Variants in CENPQ observed in about 807,000 individuals in gnomAD.
CENPQ encodes the protein centromere protein Q, also known as chromosome 6 open reading frame 139.
Under a neutral mutation model 36.6 loss-of-function variants are expected in CENPQ, and 27 were observed. That is an observed-to-expected ratio of 0.74 (90% CI 0.54 to 1.02). The LOEUF is 1.02. Ranked by LOEUF, CENPQ falls within the 50% of genes least tolerant of loss-of-function variation. The probability of loss-of-function intolerance (pLI) is 0.00; values close to 1 mark genes in which losing one functional copy is unlikely to be tolerated. For missense variants in CENPQ, 306 were observed against 301.8 expected (o/e 1.01, Z -0.10); for synonymous variants, 101 against 101.7 (o/e 0.99, Z 0.04).
chr6:49,471,095 A>G, intron 3 of CENPQ, 67 bp downstream of exon 3: 1 of 943,262 alleles, frequency 1.1e-6, no homozygotes, highest in Non-Finnish European at 1.5e-6. Context: ...TCGTGAAAAA[A>G]TGTTCAGCAT....
At chr6:49,483,997 T>A (rs904542151) in intron 6 of CENPQ, among the ~76,000 whole-genome samples, 3 of 152,246 alleles carry the variant, frequency 2.0e-5, no homozygotes, top group African/African-American at 7.2e-5. Context: ...GTCCTATTTT[T>A]TCATCAGATT....
intron 5 of CENPQ, among the ~76,000 whole-genome samples, chr6:49,479,666 T>C (rs900486084): frequency 1.3e-5 from 2 of 152,166 alleles, no homozygotes; most frequent in African/African-American, 4.8e-5. Context: ...TAAAGACACA[T>C]GCACACTTAT....
chr6:49,473,793 G>A (rs911357299), intron 5 of CENPQ, among the ~76,000 whole-genome samples: 6 of 152,034 alleles, frequency 3.9e-5, no homozygotes, highest in African/African-American at 7.2e-5. Flanking sequence ...GCAGAGATAC[G>A]CATAGGCTCA....
chr6:49,478,904 G>A (rs1397510222), intron 5 of CENPQ, among the ~76,000 whole-genome samples: 2 of 152,114 alleles, frequency 1.3e-5, no homozygotes, highest in Non-Finnish European at 2.9e-5. Context: ...TCAAGCCATG[G>A]TTTTAGTTTC....
intron 6 of CENPQ, 50 bp downstream of exon 6, chr6:49,481,130 A>G (rs1768419064): frequency 1.4e-6 from 2 of 1,443,578 alleles, no homozygotes; most frequent in Non-Finnish European, 1.9e-6. Context: ...GGGAAAGGGA[A>G]GAAGACCAAA....
At position 49,492,193 on chromosome 6, in the gene CENPQ, T is replaced by C. The variant is rs755817262; in HGVS notation, c.725T>C (p.Leu242Ser). Residue 242 changes from leucine (L) to serine (S), a missense_variant, in exon 9 of 9, where the codon TTG becomes TCG. Leu to Ser is a moderately radical substitution (Grantham distance 145). Transcript: ENST00000335783. ...AACCAGAATGCTCTTCTAAAGGACTTGGATATTCTTCATAATTCATCACAG... is the reference window on the plus strand; with the variant it reads ...AACCAGAATGCTCTTCTAAAGGACTCGGATATTCTTCATAATTCATCACAG... ...IPNQNALLKDLDILHNSSQMK... is the reference protein window; with the variant it reads ...IPNQNALLKDSDILHNSSQMK... The C allele has an allele frequency of 6.2e-7, 1 of 1,609,134 alleles. No homozygotes were observed. The highest frequency in any genetic ancestry group is 1.7e-5 in the Admixed American group (1 of 59,504).
chr6:49,477,200 G>A (rs1464015735), intron 5 of CENPQ, among the ~76,000 whole-genome samples: 1 of 152,098 alleles, frequency 6.6e-6, no homozygotes, highest in Non-Finnish European at 1.5e-5. Context: ...ACTGGATTAA[G>A]AAAATGTGGC....
chr6:49,483,730 A>G (rs542889613), intron 6 of CENPQ, among the ~76,000 whole-genome samples: 1 of 152,062 alleles, frequency 6.6e-6, no homozygotes, highest in Non-Finnish European at 1.5e-5. Context: ...TGCTAAACCC[A>G]CGCCCACCTG....
chr6:49,470,978 G>C lies in CENPQ; in HGVS notation c.107G>C (p.Arg36Thr), dbSNP rs563743865. 2.6e-6 allele frequency: 4 copies of C among 1,511,546 alleles called. No homozygotes were observed. In the African/African-American group the frequency reaches 5.5e-5, roughly 21 times the overall value. The allele number at this position is 1,511,546 out of a possible 1,614,324, so 93.6% of individuals were successfully genotyped here. A position where few individuals can be genotyped will look rare whatever the true frequency, so the allele number is the denominator to read the frequency against. Residue 36 changes from arginine (R) to threonine (T), a missense_variant, in exon 3 of 9, where the codon AGA becomes ACA. Physicochemically the swap from Arg to Thr is moderately conservative, Grantham distance 71. Coordinates refer to ENST00000335783, the MANE Select transcript of CENPQ (RefSeq NM_018132.4). ...TGCATGTGTTTTTCCCTCTAGGTTA[G>C]AAACACAGTGAAAAAAAATAAAAAT... ...EEVVLSENKVRNTVKKNKNHL... is the reference protein window; with the variant it reads ...EEVVLSENKVTNTVKKNKNHL...
At chr6:49,490,582 T>C (rs1397158094) in intron 8 of CENPQ, among the ~76,000 whole-genome samples, 2 of 152,230 alleles carry the variant, frequency 1.3e-5, no homozygotes, top group Non-Finnish European at 2.9e-5. Context: ...CATTCACAAC[T>C]TGGGCGTTTG....
At chr6:49,472,030 A>T (rs752255767) in intron 3 of CENPQ, 33 bp from the exon 4 acceptor site, 1 of 1,574,960 alleles carries the variant, frequency 6.3e-7, no homozygotes, top group Admixed American at 2.0e-5. Context: ...AAACATCTAG[A>T]TTGATCAGAG....
chr6:49,470,052 A>AT, intron 1 of CENPQ, 107 bp from the exon 2 acceptor site: 2 of 526,328 alleles, frequency 3.8e-6, no homozygotes, highest in Non-Finnish European at 6.7e-6. Flanking sequence ...AAAAAAAAAA[A>AT]GAGAATGTGG....
chr6:49,480,212 A>T (rs1768395922), intron 5 of CENPQ, among the ~76,000 whole-genome samples: 1 of 152,188 alleles, frequency 6.6e-6, no homozygotes, highest in African/African-American at 2.4e-5. Flanking sequence ...TAGAACCCAA[A>T]GATACTGCTG....
Position 49,480,983 on chromosome 6 carries a change from C to T in CENPQ, c.380C>T (p.Pro127Leu). The T allele has an allele frequency of 1.2e-6, 2 of 1,607,340 alleles. No individual in the cohort carries two copies. The highest frequency in any genetic ancestry group is 1.7e-6 in the Non-Finnish European group (2 of 1,176,410). ...CAACAGTGTGAAACTCTGAAAGTCCCTCCCAAAAAGATGGAAGATTTAACT... is the reference window on the plus strand; with the variant it reads ...CAACAGTGTGAAACTCTGAAAGTCCTTCCCAAAAAGATGGAAGATTTAACT... The part of the protein sequence containing the change: ...LLQQCETLKV[P>L]PKKMEDLTNV... Residue 127 changes from proline to leucine, a missense_variant, in exon 6 of 9, where the codon CCT (proline) becomes CTT (leucine). Physicochemically the swap from Pro to Leu is moderately conservative, Grantham distance 98 (BLOSUM62 -3). Coordinates refer to ENST00000335783, the MANE Select transcript of CENPQ (RefSeq NM_018132.4).
chr6:49,465,045 T>C (rs1013602462), intron 1 of CENPQ, among the ~76,000 whole-genome samples: 3 of 152,230 alleles, frequency 2.0e-5, no homozygotes, highest in African/African-American at 7.2e-5. Context: ...ACAAAATGTA[T>C]TTCTTAAATA....
At chr6:49,469,843 G>A (rs983899384) in intron 1 of CENPQ, among the ~76,000 whole-genome samples, 15 of 151,992 alleles carry the variant, frequency 9.9e-5, no homozygotes, top group South Asian at 2.1e-4. Flanking sequence ...GTTATCATAC[G>A]ATAGAGTATA....
At chr6:49,472,300 G>A (rs1209004355) in intron 4 of CENPQ, 117 bp downstream of exon 4, 10 of 829,394 alleles carry the variant, frequency 1.2e-5, no homozygotes, top group African/African-American at 7.2e-5. Context: ...TTTCTATTTC[G>A]GAAGCAGATA....
intron 1 of CENPQ, among the ~76,000 whole-genome samples, chr6:49,465,439 C>T (rs1378486044): frequency 1.3e-5 from 2 of 152,198 alleles, no homozygotes; most frequent in Non-Finnish European, 2.9e-5. Context: ...TCTTTTGAAG[C>T]TTTGAAGCCA....
chr6:49,492,376 G>A lies in CENPQ; in HGVS notation c.*101G>A, dbSNP rs1768744160. 3 of 996,230 alleles carry A rather than the reference G, an allele frequency of 3.0e-6. No homozygotes were observed. The highest frequency in any genetic ancestry group is 3.8e-5 in the South Asian group (2 of 52,148). The allele number at this position is 996,230 out of a possible 1,614,324, so 61.7% of individuals were successfully genotyped here. A position where few individuals can be genotyped will look rare whatever the true frequency, so the allele number is the denominator to read the frequency against. On this transcript the variant is annotated 3_prime_UTR_variant, in exon 9 of 9. Transcript: ENST00000335783. ...ATGTACAGAGGCTAAGGCTTCTGCA[G>A]GATTTATTATCTCCTGATATGCACT...
Sources: gnomAD v4.1 joint callset for allele counts (sites outside exome capture counted in the v4.1 genomes callset) on GRCh38, gnomAD v4.1.1 for gene constraint, MANE v1.5 for transcripts, NCBI Gene and HGNC (gene_info 2026-07-23, HGNC 2026-07-21) for gene names.